The following CECR2 variants were observed in gnomAD, a reference collection of about 807,000 sequenced individuals.
CECR2 encodes chromatin remodeling regulator CECR2.
In CECR2, 30 loss-of-function variants were observed where a neutral mutation model predicts 154.5. The ratio of observed to expected loss-of-function variants is 0.19; its 90% confidence interval spans 0.15 to 0.26. CECR2 has a LOEUF of 0.26. CECR2 is among the 10% of genes least tolerant of loss of function. The pLI, the probability that CECR2 is intolerant of heterozygous loss-of-function variation, is 1.00. For missense variants in CECR2, 1,743 were observed against 1,829.3 expected, an observed-to-expected ratio of 0.95 and a Z score of 0.86; for synonymous variants, 725 against 683.7, an observed-to-expected ratio of 1.06 and a Z score of -0.94.
At chr22:17,388,559 C>A (rs965439392) in intron 1 of CECR2, among the ~76,000 whole-genome samples, 1 of 152,090 alleles carries the variant, frequency 6.6e-6, no homozygotes, top group Non-Finnish European at 1.5e-5. Flanking sequence ...ACATCCAGTG[C>A]GGGTTCTTGA....
At chr22:17,506,339 C>T (rs926145730) in intron 7 of CECR2, among the ~76,000 whole-genome samples, 14 of 151,884 alleles carry the variant, frequency 9.2e-5, no homozygotes, top group Admixed American at 8.5e-4. Flanking sequence ...GTTGCCTGGG[C>T]TGGTCCTGAA....
chr22:17,432,173 T>C (rs918771547), intron 1 of CECR2, among the ~76,000 whole-genome samples: 6 of 142,120 alleles, frequency 4.2e-5, no homozygotes, highest in Non-Finnish European at 7.9e-5. Context: ...ACTTTGTGCC[T>C]GTATGGATTT....
At chr22:17,429,160 C>T (rs1470654819) in intron 1 of CECR2, among the ~76,000 whole-genome samples, 10 of 151,758 alleles carry the variant, frequency 6.6e-5, no homozygotes, top group Non-Finnish European at 1.3e-4. Context: ...AGTGACTGAT[C>T]ATGGTGGTGG....
intron 2 of CECR2, among the ~76,000 whole-genome samples, chr22:17,494,248 CACCACA>C (rs768031274): frequency 2.0e-4 from 31 of 152,304 alleles, no homozygotes; most frequent in Middle Eastern, 3.4e-3. Flanking sequence ...AGGCATATGC[CACCACA>C]ACCGGCTAAT....
In CECR2 at chr22:17,548,443, A is replaced by G; in HGVS notation, c.3156A>G (p.Leu1052=). 6.2e-7 allele frequency: 1 copy of G among 1,613,970 alleles called. No homozygotes were observed. Among genetic ancestry groups the G allele is most frequent in the Middle Eastern group, 1.6e-4 (1 of 6,062 alleles). Residue 1052 remains leucine, a synonymous_variant, in exon 17 of 19, where the codon CTA becomes CTG. Transcript: ENST00000262608. ...CCACGGTGGCAGACAGGGGCGCTCT[A>G]TCCGAGAACGGAGTCATTGGGGAAG... ...DLSTVADRGA[L]SENGVIGEAS... is the part of the protein sequence containing the mutation.
chr22:17,495,913 G>A (rs114598194), intron 2 of CECR2, among the ~76,000 whole-genome samples: 2,121 of 148,264 alleles, frequency 0.014, 65 homozygotes, highest in African/African-American at 0.05. Context: ...GTGGTAAGAC[G>A]CACTTATAGT....
At chr22:17,393,195 C>T (rs1601277416) in intron 1 of CECR2, among the ~76,000 whole-genome samples, 1 of 152,284 alleles carries the variant, frequency 6.6e-6, no homozygotes, top group East Asian at 1.9e-4. Context: ...CCTCTTGTTT[C>T]CCCAGCCTAA....
chr22:17,361,182 A>C (rs2062974994), intron 1 of CECR2, among the ~76,000 whole-genome samples: 1 of 152,026 alleles, frequency 6.6e-6, no homozygotes, highest in Non-Finnish European at 1.5e-5. Flanking sequence ...AAAACAAAAC[A>C]AAGCAAAACA....
intron 1 of CECR2, among the ~76,000 whole-genome samples, chr22:17,438,659 T>C (rs927182709): frequency 3.3e-5 from 5 of 151,984 alleles, no homozygotes; most frequent in African/African-American, 1.2e-4. Flanking sequence ...TCATCAGGTA[T>C]CATTAGTGTT....
chr22:17,371,996 AAC>A (rs1158118849), intron 1 of CECR2, among the ~76,000 whole-genome samples: 3 of 152,232 alleles, frequency 2.0e-5, no homozygotes, highest in African/African-American at 7.2e-5. Context: ...TTATATGTAT[AAC>A]ATGAAAAATC....
intron 1 of CECR2, among the ~76,000 whole-genome samples, chr22:17,398,587 C>T (rs1220656650): frequency 6.6e-6 from 1 of 152,164 alleles, no homozygotes; most frequent in African/African-American, 2.4e-5. Context: ...CTGGTGCCAT[C>T]CACAGTGCTT....
At position 17,505,085 on chromosome 22, in the gene CECR2, A is replaced by C. The variant is rs527671438; in HGVS notation, c.870+69A>C. The stretch of plus-strand genomic sequence containing the variant: ...ATGCTGCATTATTTAAGGATTATTC[A>C]TGAGACCTTCCCCATACACCCCACT... On this transcript the variant is annotated intron_variant, in intron 7 of 18. Transcript: ENST00000262608. 26 of 1,455,520 alleles carry C rather than the reference A, an allele frequency of 1.8e-5. No individual in the cohort carries two copies. The African/African-American group carries it at 3.6e-4, about 20-fold the overall frequency. The allele number at this position is 1,455,520 out of a possible 1,614,324, so 90.2% of individuals were successfully genotyped here. A position where few individuals can be genotyped will look rare whatever the true frequency, so the allele number is the denominator to read the frequency against.
chr22:17,361,250 G>T (rs1394531414), intron 1 of CECR2, among the ~76,000 whole-genome samples: 1 of 152,180 alleles, frequency 6.6e-6, no homozygotes, highest in Non-Finnish European at 1.5e-5. Flanking sequence ...CATTTTGGGA[G>T]GCCGAGGTGG....
At chr22:17,530,247 A>G (rs112675314) in intron 9 of CECR2, among the ~76,000 whole-genome samples, 5,896 of 150,574 alleles carry the variant, frequency 0.039, 232 homozygotes, top group African/African-American at 0.1. Flanking sequence ...TTGTTTTGAG[A>G]CGGAGTGTCG....
chr22:17,372,453 G>A (rs2063071983), intron 1 of CECR2, among the ~76,000 whole-genome samples: 1 of 152,140 alleles, frequency 6.6e-6, no homozygotes, highest in Non-Finnish European at 1.5e-5. Flanking sequence ...ATCACCTGAA[G>A]TCAGGAGTTC....
At chr22:17,511,674 T>A in intron 7 of CECR2, 139 bp from the exon 8 acceptor site, 1 of 573,808 alleles carries the variant, frequency 1.7e-6, no homozygotes, top group South Asian at 2.9e-5. Context: ...TGGTTCCTGA[T>A]TGTCCTAAGG....
intron 1 of CECR2, among the ~76,000 whole-genome samples, chr22:17,360,327 T>C (rs2062969792): frequency 6.6e-6 from 1 of 152,204 alleles, no homozygotes; most frequent in Admixed American, 6.5e-5. Flanking sequence ...ATTGCTTCTC[T>C]GAATAACCAC....
chr22:17,450,471 A>G (rs931118948), intron 1 of CECR2, among the ~76,000 whole-genome samples: 2 of 152,064 alleles, frequency 1.3e-5, no homozygotes, highest in African/African-American at 2.4e-5. Flanking sequence ...GGTTTTTGCT[A>G]TATTGGCCAG....
At position 17,557,147 on chromosome 22, in the gene CECR2, T is replaced by TTTC. The variant is rs1555938319; in HGVS notation, c.*4309_*4310insCTT. ...CTGCATCCCGTTTTTTTTCTTTTCT[T>TTTC]TTTTTTTTTTTTTTTTTTGAGACGA... On this transcript the variant is annotated 3_prime_UTR_variant, in exon 19 of 19. Coordinates refer to ENST00000262608, the MANE Select transcript of CECR2 (RefSeq NM_001290047.2). 4.6e-5 allele frequency: 6 copies of TTTC among 129,036 alleles called. No homozygotes were observed. Among genetic ancestry groups the TTTC allele is most frequent in the East Asian group, 2.0e-4 (1 of 4,930 alleles). 8.0% of individuals were successfully genotyped at this position (129,036 alleles called of 1,614,324 possible).
Sources: gnomAD v4.1 joint callset for allele counts (sites outside exome capture counted in the v4.1 genomes callset) on GRCh38, gnomAD v4.1.1 for gene constraint, MANE v1.5 for transcripts, NCBI Gene and HGNC (gene_info 2026-07-23, HGNC 2026-07-21) for gene names.